CDH18: variants seen among roughly 807,000 people sequenced by gnomAD.
CDH18 encodes the protein cadherin-18.
A neutral mutation model predicts 67.9 loss-of-function variants in CDH18; 31 were observed. The ratio of observed to expected loss-of-function variants is 0.46; its 90% confidence interval spans 0.34 to 0.62. The LOEUF (loss-of-function observed/expected upper bound fraction) is 0.62, where lower values mean the gene tolerates loss of function less well. CDH18 is among the 20% of genes least tolerant of loss of function. The pLI is 0.01. For synonymous variants in CDH18, 362 were observed against 347.2 expected, an observed-to-expected ratio of 1.04 and a Z score of -0.48; for missense variants, 890 against 975.5, an observed-to-expected ratio of 0.91 and a Z score of 1.17.
chr5:19,663,876 CT>C (rs139621768), intron 5 of CDH18, among the ~76,000 whole-genome samples: 1,553 of 148,528 alleles, frequency 0.01, 13 homozygotes, highest in African/African-American at 0.026. Context: ...ACTTAAAAGA[CT>C]TTTTTTTTTA....
intron 1 of CDH18, among the ~76,000 whole-genome samples, chr5:20,351,411 A>T (rs1281417673): frequency 6.6e-6 from 1 of 152,114 alleles, no homozygotes; most frequent in Non-Finnish European, 1.5e-5. Context: ...AGCAGCTGTC[A>T]TTTATTTGAG....
intron 1 of CDH18, among the ~76,000 whole-genome samples, chr5:20,395,574 C>G (rs1384087610): frequency 2.6e-5 from 4 of 152,106 alleles, no homozygotes; most frequent in African/African-American, 7.2e-5. Flanking sequence ...ACTTGTACCT[C>G]TAAAGCTACT....
intron 1 of CDH18, among the ~76,000 whole-genome samples, chr5:20,543,284 G>A (rs1757156713): frequency 6.6e-6 from 1 of 151,898 alleles, no homozygotes; most frequent in Non-Finnish European, 1.5e-5. Flanking sequence ...CTTATTGTTA[G>A]AAGTTCAAAT....
At chr5:19,508,242 C>A (rs1359158266) in intron 10 of CDH18, among the ~76,000 whole-genome samples, 1 of 151,932 alleles carries the variant, frequency 6.6e-6, no homozygotes, top group Non-Finnish European at 1.5e-5. Context: ...AGAAAATATA[C>A]CTGGGAACTT....
intron 1 of CDH18, among the ~76,000 whole-genome samples, chr5:20,303,590 C>T: frequency 6.6e-6 from 1 of 152,048 alleles, no homozygotes; most frequent in East Asian, 1.9e-4. Context: ...TTGGTAACAA[C>T]AAGTCTCACA....
chr5:20,106,963 A>G (rs999150735), intron 2 of CDH18, among the ~76,000 whole-genome samples: 30 of 152,198 alleles, frequency 2.0e-4, no homozygotes, highest in African/African-American at 7.2e-4. Context: ...GTGCCTCGAA[A>G]CGCTTTTTGT....
At chr5:20,285,608 G>T (rs2940447) in intron 1 of CDH18, among the ~76,000 whole-genome samples, 1 of 151,144 alleles carries the variant, frequency 6.6e-6, no homozygotes, top group Non-Finnish European at 1.5e-5. Flanking sequence ...TAAATGAACA[G>T]GTATGCATAT....
At chr5:20,101,497 C>T (rs541043556) in intron 2 of CDH18, among the ~76,000 whole-genome samples, 52 of 152,248 alleles carry the variant, frequency 3.4e-4, no homozygotes, top group Middle Eastern at 6.8e-3. Context: ...TGGCCATGGG[C>T]TGACTTGAAG....
At chr5:20,009,041 T>C (rs1737173708) in intron 2 of CDH18, among the ~76,000 whole-genome samples, 1 of 152,152 alleles carries the variant, frequency 6.6e-6, no homozygotes, top group Non-Finnish European at 1.5e-5. Context: ...TTTATACATC[T>C]GTATTGTGAG....
intron 2 of CDH18, among the ~76,000 whole-genome samples, chr5:20,038,492 T>C (rs79179229): frequency 0.032 from 4,903 of 152,200 alleles, 239 homozygotes; most frequent in East Asian, 0.25. Flanking sequence ...GAAAGCTTAC[T>C]GACCACGATC....
chr5:20,520,208 T>C (rs1755661217), intron 1 of CDH18, among the ~76,000 whole-genome samples: 1 of 151,684 alleles, frequency 6.6e-6, no homozygotes, highest in Non-Finnish European at 1.5e-5. Flanking sequence ...TAGGACCAAG[T>C]AGAGGTAAGG....
chr5:19,490,890 GT>G (rs1741360042), intron 11 of CDH18, among the ~76,000 whole-genome samples: 1 of 151,912 alleles, frequency 6.6e-6, no homozygotes, highest in Non-Finnish European at 1.5e-5. Context: ...ATGTTTCTAT[GT>G]TTTACATATA....
intron 2 of CDH18, among the ~76,000 whole-genome samples, chr5:19,956,165 A>T (rs1796236453): frequency 6.6e-6 from 1 of 152,030 alleles, no homozygotes; most frequent in African/African-American, 2.4e-5. Flanking sequence ...GGAAACAAAT[A>T]AAAAGGTATC....
intron 1 of CDH18, among the ~76,000 whole-genome samples, chr5:20,432,687 A>G (rs1748843102): frequency 6.6e-6 from 1 of 151,768 alleles, no homozygotes; most frequent in South Asian, 2.1e-4. Context: ...CTGTATCTTT[A>G]TCTACTCTGC....
intron 8 of CDH18, among the ~76,000 whole-genome samples, chr5:19,545,794 C>T (rs1166035137): frequency 6.6e-6 from 1 of 151,958 alleles, no homozygotes; most frequent in East Asian, 1.9e-4. Context: ...GAATAAAAAG[C>T]AAAAGTCAAA....
intron 2 of CDH18, among the ~76,000 whole-genome samples, chr5:20,173,703 A>G (rs1737020009): frequency 6.6e-6 from 1 of 152,190 alleles, no homozygotes; most frequent in African/African-American, 2.4e-5. Context: ...AATAACTGAA[A>G]TTAGAATGCT....
intron 2 of CDH18, among the ~76,000 whole-genome samples, chr5:19,993,275 A>G (rs146937043): frequency 0.014 from 2,115 of 152,268 alleles, 22 homozygotes; most frequent in Middle Eastern, 0.027. Flanking sequence ...ATTTCTACAG[A>G]CAATAATTTC....
chr5:19,785,562 G>A (rs1338465796), intron 3 of CDH18, among the ~76,000 whole-genome samples: 2 of 145,874 alleles, frequency 1.4e-5, no homozygotes, highest in East Asian at 2.1e-4. Context: ...GCTAAGGCAG[G>A]AGAATCGCTT....
intron 5 of CDH18, among the ~76,000 whole-genome samples, chr5:19,634,869 G>A (rs909079668): frequency 2.0e-4 from 30 of 151,546 alleles, no homozygotes; most frequent in African/African-American, 7.3e-4. Context: ...CCCGGGAGGC[G>A]GAGGTTGCAA....
Sources: gnomAD v4.1 joint callset for allele counts (sites outside exome capture counted in the v4.1 genomes callset) on GRCh38, gnomAD v4.1.1 for gene constraint, MANE v1.5 for transcripts, NCBI Gene and HGNC (gene_info 2026-07-23, HGNC 2026-07-21) for gene names.